Variants in COG5 observed in about 807,000 individuals in gnomAD.
COG5 encodes the protein component of oligomeric golgi complex 5.
A neutral mutation model predicts 110.4 loss-of-function variants in COG5; 86 were observed. That is an observed-to-expected ratio of 0.78 (90% CI 0.65 to 0.93). The LOEUF is 0.93. COG5 is among the 40% of genes least tolerant of loss of function. The pLI, the probability that COG5 is intolerant of heterozygous loss-of-function variation, is 0.00. For missense variants in COG5, 1,077 were observed against 987.0 expected, an observed-to-expected ratio of 1.09 and a Z score of -1.22; for synonymous variants, 360 against 334.6, an observed-to-expected ratio of 1.08 and a Z score of -0.83.
chr7:107,410,923 G>C (rs768449179), intron 7 of COG5, among the ~76,000 whole-genome samples: 6 of 152,082 alleles, frequency 3.9e-5, no homozygotes, highest in Non-Finnish European at 7.4e-5. Context: ...TAGGATGGAA[G>C]GGAAGGGCAC....
At chr7:107,370,408 C>T (rs1327685085) in intron 8 of COG5, among the ~76,000 whole-genome samples, 1 of 152,120 alleles carries the variant, frequency 6.6e-6, no homozygotes, top group African/African-American at 2.4e-5. Context: ...GTATTTCCAA[C>T]AAACAAGGAC....
At chr7:107,505,951 T>C (rs1459310041) in intron 6 of COG5, among the ~76,000 whole-genome samples, 2 of 152,136 alleles carry the variant, frequency 1.3e-5, no homozygotes, top group East Asian at 1.9e-4. Context: ...CTCCCAGCAG[T>C]GGGTACCAGT....
At chr7:107,327,387 A>G (rs1310590455) in intron 10 of COG5, among the ~76,000 whole-genome samples, 2 of 152,184 alleles carry the variant, frequency 1.3e-5, no homozygotes, top group African/African-American at 4.8e-5. Context: ...GGATTTGGCA[A>G]TAATTCTTGT....
intron 7 of COG5, among the ~76,000 whole-genome samples, chr7:107,394,768 C>T (rs1468167103): frequency 6.6e-6 from 1 of 152,032 alleles, no homozygotes; most frequent in East Asian, 1.9e-4. Context: ...CAAAAAATGA[C>T]ATAAATATGC....
At chr7:107,235,899 C>G (rs962848067) in intron 18 of COG5, among the ~76,000 whole-genome samples, 7 of 152,140 alleles carry the variant, frequency 4.6e-5, no homozygotes, top group Non-Finnish European at 7.4e-5. Flanking sequence ...CATTCTATCT[C>G]TCACACACAT....
At chr7:107,528,271 T>A (rs1167289793) in intron 5 of COG5, among the ~76,000 whole-genome samples, 1 of 152,032 alleles carries the variant, frequency 6.6e-6, no homozygotes, top group Admixed American at 6.6e-5. Flanking sequence ...GTATTTTTTG[T>A]GGAGATGAGG....
chr7:107,558,166 CAGTTA>C, intron 1 of COG5, 51 bp from the exon 2 acceptor site: 1 of 1,568,356 alleles, frequency 6.4e-7, no homozygotes, highest in Non-Finnish European at 8.8e-7. Flanking sequence ...TGTACTAAAC[CAGTTA>C]TTAAACAACA....
intron 3 of COG5, 47 bp from the exon 4 acceptor site, chr7:107,548,379 C>A (rs375004573): frequency 1.8e-5 from 28 of 1,519,118 alleles, no homozygotes; most frequent in Admixed American, 6.7e-5. Flanking sequence ...TACAGGGCAT[C>A]CAACTGGGTA....
intron 11 of COG5, among the ~76,000 whole-genome samples, chr7:107,313,880 C>A (rs1808493714): frequency 6.6e-6 from 1 of 152,134 alleles, no homozygotes; most frequent in African/African-American, 2.4e-5. Context: ...CCATGGAACT[C>A]TTTGGAAGGA....
chr7:107,381,948 G>A (rs1270206674), intron 7 of COG5, among the ~76,000 whole-genome samples: 1 of 152,164 alleles, frequency 6.6e-6, no homozygotes, highest in Non-Finnish European at 1.5e-5. Context: ...CTATCTGTGA[G>A]TATTCTTATG....
intron 14 of COG5, among the ~76,000 whole-genome samples, chr7:107,259,050 C>T (rs945300192): frequency 6.6e-6 from 1 of 151,890 alleles, no homozygotes; most frequent in Non-Finnish European, 1.5e-5. Flanking sequence ...CTACACTTGA[C>T]CTTTAATTTA....
intron 6 of COG5, among the ~76,000 whole-genome samples, chr7:107,512,649 C>T (rs1249168850): frequency 3.3e-5 from 5 of 152,308 alleles, no homozygotes; most frequent in South Asian, 2.1e-4. Context: ...TCAAACTATA[C>T]TACAAGGCTA....
At chr7:107,329,274 T>C (rs1201223672) in intron 10 of COG5, among the ~76,000 whole-genome samples, 1 of 152,068 alleles carries the variant, frequency 6.6e-6, no homozygotes, top group Non-Finnish European at 1.5e-5. Flanking sequence ...GAAGGACACA[T>C]AGCTGTTGGA....
intron 6 of COG5, among the ~76,000 whole-genome samples, chr7:107,426,023 CT>C (rs1793622450): frequency 6.6e-6 from 1 of 152,176 alleles, no homozygotes; most frequent in South Asian, 2.1e-4. Flanking sequence ...ACTCCCAAGA[CT>C]GCCAGCAAAC....
intron 5 of COG5, among the ~76,000 whole-genome samples, chr7:107,533,078 G>C (rs1046019352): frequency 6.8e-5 from 10 of 148,080 alleles, no homozygotes; most frequent in African/African-American, 2.4e-4. Context: ...ACCTGCAGCA[G>C]AGGGGCCTGA....
At chr7:107,360,152 G>C (rs1459986780) in intron 10 of COG5, among the ~76,000 whole-genome samples, 2 of 152,200 alleles carry the variant, frequency 1.3e-5, no homozygotes, top group Admixed American at 6.5e-5. Flanking sequence ...ACCCACTTCA[G>C]ATCTCCTCTA....
At chr7:107,207,137 A>G (rs1798840701) in intron 21 of COG5, among the ~76,000 whole-genome samples, 3 of 152,244 alleles carry the variant, frequency 2.0e-5, no homozygotes, top group Admixed American at 2.0e-4. Context: ...GTAAGTACTG[A>G]AATGCATAAA....
At chr7:107,497,392 C>A (rs1231495276) in intron 6 of COG5, among the ~76,000 whole-genome samples, 2 of 152,034 alleles carry the variant, frequency 1.3e-5, no homozygotes, top group Non-Finnish European at 2.9e-5. Flanking sequence ...CTAATATTTA[C>A]AGAAATGCAT....
chr7:107,220,977 A>G (rs951951213), intron 19 of COG5, among the ~76,000 whole-genome samples: 8 of 151,702 alleles, frequency 5.3e-5, no homozygotes, highest in Non-Finnish European at 1.5e-5. Context: ...CATCACACCC[A>G]GCTAATTTTT....
Sources: gnomAD v4.1 joint callset for allele counts (sites outside exome capture counted in the v4.1 genomes callset) on GRCh38, gnomAD v4.1.1 for gene constraint, MANE v1.5 for transcripts, NCBI Gene and HGNC (gene_info 2026-07-23, HGNC 2026-07-21) for gene names.